MYH16: variants seen among roughly 807,000 people sequenced by gnomAD.
MYH16 encodes the protein myosin heavy chain 16.
chr7:99,284,588 CA>C (rs555116447), intron 25 of MYH16, among the ~76,000 whole-genome samples: 3 of 151,254 alleles, frequency 2.0e-5, no homozygotes, highest in East Asian at 3.9e-4. Flanking sequence ...CACCCTGTCT[CA>C]AAAAAAAGTG....
chr7:99,260,139 T>G (rs1208792961), intron 11 of MYH16: 76 of 1,580,374 alleles, frequency 4.8e-5, no homozygotes, highest in Non-Finnish European at 6.6e-5. Context: ...CTGACGCCCC[T>G]CTTTCTGCCC....
chr7:99,294,500 CAAAAA>C (rs1159682450), intron 33 of MYH16, among the ~76,000 whole-genome samples: 50 of 25,560 alleles, frequency 2.0e-3, no homozygotes, highest in Non-Finnish European at 3.6e-3. Flanking sequence ...GACCCTGTCT[CAAAAA>C]AAAAAAAAAA....
rs1275185498 is a variant in MYH16, at chr7:99,291,312, T to G, written n.3825-11T>G. The G allele has an allele frequency of 2.2e-6, 1 of 455,366 alleles. No individual in the cohort carries two copies. Among genetic ancestry groups the G allele is most frequent in the Non-Finnish European group, 4.4e-6 (1 of 226,672 alleles). The allele number at this position is 455,366 out of a possible 1,614,324, so 28.2% of individuals were successfully genotyped here. ...TTCATCCAATATTTCTTCCATTTCC[T>G]TCTCACCCAGCTGAAAATAGTGAAC... On this transcript the variant is annotated splice_polypyrimidine_tract_variant and intron_variant and non_coding_transcript_variant, in intron 30 of 41. Coordinates refer to ENST00000439784, the Ensembl canonical transcript of MYH16.
intron 18 of MYH16, among the ~76,000 whole-genome samples, chr7:99,270,235 G>C (rs1792031473): frequency 6.6e-6 from 1 of 151,824 alleles, no homozygotes; most frequent in Non-Finnish European, 1.5e-5. Flanking sequence ...ATTTTGGGAG[G>C]CTGAGATAGG....
intron 31 of MYH16, among the ~76,000 whole-genome samples, 167 bp downstream of exon 12, chr7:99,291,617 A>ACCCCCCCCCCCCCCCCCCCCC (rs34446113): frequency 7.6e-4 from 81 of 105,970 alleles, no homozygotes; most frequent in South Asian, 1.4e-3. Flanking sequence ...ACACAGCAAG[A>ACCCCCCCCCCCCCCCCCCCCC]CCCCCCCCCA....
At chr7:99,242,232 G>A (rs998832646) in intron 1 of MYH16, among the ~76,000 whole-genome samples, 9 of 152,108 alleles carry the variant, frequency 5.9e-5, no homozygotes, top group Admixed American at 5.2e-4. Context: ...GCACGGGCGC[G>A]AACACACCTA....
chr7:99,280,812 G>T, intron 22 of MYH16, 64 bp from the exon 5 acceptor site: 1 of 225,194 alleles, frequency 4.4e-6, no homozygotes, highest in Non-Finnish European at 9.4e-6. Context: ...ACTCAAGGGT[G>T]CACCCAAGCT....
chr7:99,300,923 A>C (rs1276401750), intron 37 of MYH16, among the ~76,000 whole-genome samples: 1 of 152,088 alleles, frequency 6.6e-6, no homozygotes, highest in Non-Finnish European at 1.5e-5. Context: ...GGCCAGGCGC[A>C]GTAGCTCACG....
chr7:99,247,686 G>A (rs1403475624), exon 3 of MYH16: 2 of 198,970 alleles, frequency 1.0e-5, no homozygotes, highest in African/African-American at 4.6e-5. Context: ...AGGGCAAGAA[G>A]CGCACAGAGA....
At chr7:99,260,962 G>A (rs1791932189) in intron 12 of MYH16, 1 of 152,256 alleles carries the variant, frequency 6.6e-6, no homozygotes, top group African/African-American at 2.4e-5. Context: ...AGCTACTCAG[G>A]AGGCTGAGGG....
chr7:99,281,426 G>T (rs1278695381), intron 23 of MYH16, among the ~76,000 whole-genome samples: 1 of 152,072 alleles, frequency 6.6e-6, no homozygotes, highest in Non-Finnish European at 1.5e-5. Flanking sequence ...GCCAGGTCTG[G>T]TGGCACGCGC....
At chr7:99,295,309 G>A (rs1485640336) in intron 33 of MYH16, among the ~76,000 whole-genome samples, 2 of 151,200 alleles carry the variant, frequency 1.3e-5, no homozygotes, top group African/African-American at 4.9e-5. Context: ...AACCCAGGAG[G>A]TGGAGTTGCA....
chr7:99,281,394 CA>C (rs899209999), intron 23 of MYH16, among the ~76,000 whole-genome samples: 2,195 of 146,282 alleles, frequency 0.015, 67 homozygotes, highest in African/African-American at 0.053. Context: ...CCCATCTCTA[CA>C]AAAAAAAAAT....
At chr7:99,296,577 C>T in intron 33 of MYH16, 124 bp from the exon 15 acceptor site, 1 of 387,310 alleles carries the variant, frequency 2.6e-6, no homozygotes, top group East Asian at 7.3e-5. Flanking sequence ...TTCCAATTCC[C>T]AAGGAGTCCG....
rs1239441965 is a variant in MYH16, at chr7:99,288,601, T to A, written n.3706+464T>A. ...CCTGTCTCTACTAAAAATACAAAAA[T>A]TGCTTGAACCTGGGAGGCAGAGGTT... On this transcript the variant is annotated intron_variant and non_coding_transcript_variant, in intron 29 of 41. Transcript: ENST00000439784. Among the ~76,000 whole-genome samples the A allele has an allele frequency of 2.7e-5, 4 of 145,846 alleles. No individual in the cohort carries two copies. In the Admixed American group the frequency reaches 2.8e-4, roughly 10 times the overall value.
At chr7:99,292,448 C>T (rs1205209739) in exon 32 of MYH16, 1 of 464,882 alleles carries the variant, frequency 2.2e-6, no homozygotes, top group South Asian at 1.5e-5. Flanking sequence ...GAGGTCACCA[C>T]CTGGAGGACC....
At chr7:99,242,563 A>G (rs916128194) in intron 1 of MYH16, among the ~76,000 whole-genome samples, 1 of 152,198 alleles carries the variant, frequency 6.6e-6, no homozygotes, top group Non-Finnish European at 1.5e-5. Flanking sequence ...GCTTGAGCCC[A>G]AGAGATTGAA....
In MYH16 at chr7:99,265,580, C is replaced by T. The variant is rs538811170; in HGVS notation, n.2038C>T. The T allele has an allele frequency of 5.5e-4, 85 of 153,760 alleles. 1 individual carries two copies. The South Asian group carries it at 0.013, about 23-fold the overall frequency. The allele number at this position is 153,760 out of a possible 1,614,324, so 9.5% of individuals were successfully genotyped here. ...CCTCCCCCTTGGCAGGTGTGATAGA[C>T]GCCCACCTGATCATGCACCAGCTAG... is the stretch of plus-strand genomic sequence containing the variant. On this transcript the variant is annotated non_coding_transcript_exon_variant, in exon 17 of 42. Coordinates refer to ENST00000439784, the Ensembl canonical transcript of MYH16.
At chr7:99,267,841 C>G (rs1450564182) in intron 18 of MYH16, among the ~76,000 whole-genome samples, 1 of 152,238 alleles carries the variant, frequency 6.6e-6, no homozygotes, top group Admixed American at 6.5e-5. Context: ...TGCACCCCAA[C>G]ATGATCGCCC....
Sources: gnomAD v4.1 joint callset for allele counts (sites outside exome capture counted in the v4.1 genomes callset) on GRCh38, gnomAD v4.1.1 for gene constraint, MANE v1.5 for transcripts, NCBI Gene and HGNC (gene_info 2026-07-23, HGNC 2026-07-21) for gene names.